DEPDC4: variants seen among roughly 807,000 people sequenced by gnomAD.
DEPDC4 encodes the protein DEP domain-containing protein 4.
Under a neutral mutation model 52.0 loss-of-function variants are expected in DEPDC4, and 52 were observed. That is an observed-to-expected ratio of 1.00 (90% confidence interval 0.80 to 1.26). DEPDC4 has a LOEUF of 1.26. DEPDC4 is among the 50% of genes most tolerant of loss of function. DEPDC4 has a pLI of 0.00. For missense variants in DEPDC4, 530 were observed against 546.9 expected, an observed-to-expected ratio of 0.97 and a Z score of 0.31; for synonymous variants, 201 against 196.8, an observed-to-expected ratio of 1.02 and a Z score of -0.18.
At chr12:100,237,381 T>C (rs2096142963), downstream of DEPDC4, among the ~76,000 whole-genome samples, 1 of 152,116 alleles carries the variant, frequency 6.6e-6, no homozygotes, top group Non-Finnish European at 1.5e-5. Flanking sequence ...CTAATTTTTG[T>C]ATTTTTAGTA....
chr12:100,269,585 T>G (rs1405959504), upstream of DEPDC4, among the ~76,000 whole-genome samples: 1 of 152,188 alleles, frequency 6.6e-6, no homozygotes, highest in African/African-American at 2.4e-5. Context: ...TCATCACTGT[T>G]AATCCTTATA....
chr12:100,239,277 T>C (rs925925029), downstream of DEPDC4, among the ~76,000 whole-genome samples: 7 of 152,130 alleles, frequency 4.6e-5, no homozygotes, highest in Non-Finnish European at 8.8e-5. Flanking sequence ...GGTTTCACCA[T>C]GTTGGACAGG....
At position 100,241,849 on chromosome 12, in the gene DEPDC4, GAA is replaced by G. The variant is rs34267654; in HGVS notation, c.*47-6_*47-5del. On this transcript the variant is annotated splice_polypyrimidine_tract_variant and splice_region_variant and intron_variant, in intron 9 of 9. Coordinates refer to ENST00000550587, the MANE Select transcript of DEPDC4 (RefSeq NM_001364818.2). Reference sequence around the variant, plus strand: ...AAGGGTTGGCAAAACGTAAAGCCTGGAAAAAAAAAAAAAAAACAAAAGAAAAA... The same window carrying G: ...AAGGGTTGGCAAAACGTAAAGCCTGGAAAAAAAAAAAAAACAAAAGAAAAA... 0.2 allele frequency: 205,648 copies of G among 1,010,274 alleles called. 5,195 individuals carry two copies. Among genetic ancestry groups the G allele is most frequent in the African/African-American group, 0.23 (12,288 of 52,990 alleles). 62.6% of individuals were successfully genotyped at this position (1,010,274 alleles called of 1,614,324 possible). A position where few individuals can be genotyped will look rare whatever the true frequency, so the allele number is the denominator to read the frequency against.
At chr12:100,235,102 T>C (rs2096139436), downstream of DEPDC4, among the ~76,000 whole-genome samples, 2 of 152,106 alleles carry the variant, frequency 1.3e-5, no homozygotes, top group Middle Eastern at 3.4e-3. Flanking sequence ...CATATACATA[T>C]ATATGTACAC....
the DEPDC4 span, among the ~76,000 whole-genome samples, chr12:100,281,757 C>T: frequency 0.017 from 2,537 of 151,500 alleles, 69 homozygotes; most frequent in African/African-American, 0.058. Context: ...TGGCGTGAAC[C>T]CGGGAGGCGG....
At chr12:100,235,365 T>A (rs75034708), downstream of DEPDC4, among the ~76,000 whole-genome samples, 530 of 143,312 alleles carry the variant, frequency 3.7e-3, 3 homozygotes, top group African/African-American at 0.013. Flanking sequence ...TTTTTTTTTT[T>A]TTATTCTCTT....
At chr12:100,275,385 G>A in the DEPDC4 span, among the ~76,000 whole-genome samples, 1 of 151,860 alleles carries the variant, frequency 6.6e-6, no homozygotes, top group Non-Finnish European at 1.5e-5. Flanking sequence ...AAAACTTTTT[G>A]GAGTCTTGAT....
upstream of DEPDC4, among the ~76,000 whole-genome samples, chr12:100,271,899 G>A (rs1409943866): frequency 1.3e-5 from 2 of 152,180 alleles, no homozygotes; most frequent in African/African-American, 4.8e-5. Context: ...AATTTTACCT[G>A]TTACATTTCT....
At chr12:100,238,686 A>G (rs1171596605), downstream of DEPDC4, among the ~76,000 whole-genome samples, 1 of 151,254 alleles carries the variant, frequency 6.6e-6, no homozygotes, top group Non-Finnish European at 1.5e-5. Flanking sequence ...GGGTTTTGCC[A>G]TGTTGTGCAG....
the DEPDC4 span, among the ~76,000 whole-genome samples, chr12:100,272,710 T>C: frequency 6.6e-6 from 1 of 152,010 alleles, no homozygotes; most frequent in Non-Finnish European, 1.5e-5. Flanking sequence ...AAATTGGGGG[T>C]GGGGTAGGAT....
upstream of DEPDC4, among the ~76,000 whole-genome samples, chr12:100,269,425 C>G (rs2096284811): frequency 6.6e-6 from 1 of 152,038 alleles, no homozygotes; most frequent in Admixed American, 6.5e-5. Flanking sequence ...CTTACCACAC[C>G]ATTGAAGAGT....
At chr12:100,244,177 G>GGTTTGTTT (rs1186786881) in intron 8 of DEPDC4, among the ~76,000 whole-genome samples, 3 of 130,726 alleles carry the variant, frequency 2.3e-5, no homozygotes, top group Non-Finnish European at 3.2e-5. Flanking sequence ...ATGGTTTTTT[G>GGTTTGTTT]GTTTGTTTGT....
chr12:100,274,673 A>G, the DEPDC4 span, among the ~76,000 whole-genome samples: 1 of 152,318 alleles, frequency 6.6e-6, no homozygotes, highest in East Asian at 1.9e-4. Flanking sequence ...TAACACTGGG[A>G]TGGCTGAGAG....
chr12:100,273,702 C>T, the DEPDC4 span, among the ~76,000 whole-genome samples: 1 of 152,266 alleles, frequency 6.6e-6, no homozygotes, highest in African/African-American at 2.4e-5. Flanking sequence ...TATCTTGGCA[C>T]GTGGTATTAT....
the DEPDC4 span, among the ~76,000 whole-genome samples, chr12:100,281,271 CA>C: frequency 6.6e-6 from 1 of 152,136 alleles, no homozygotes; most frequent in African/African-American, 2.4e-5. Flanking sequence ...TCAAGTGATC[CA>C]CCTCCATCAG....
rs116024043 is a variant in DEPDC4, at chr12:100,244,573, C to T, written c.1454-2004G>A. On this transcript the variant is annotated intron_variant, in intron 8 of 9. Coordinates refer to ENST00000550587, the MANE Select transcript of DEPDC4 (RefSeq NM_001364818.2). The stretch of plus-strand genomic sequence containing the variant: ...TCATTGCAGCCTGGACCTCCTGCAG[C>T]GATCCTCCTGCCTCATCCTGCTGAA... Among the ~76,000 whole-genome samples the T allele has an allele frequency of 5.3e-3, 809 of 151,894 alleles. 8 individuals are homozygous for T. The highest frequency in any genetic ancestry group is 0.019 in the African/African-American group (771 of 41,386).
At chr12:100,235,563 C>T (rs1039825291), downstream of DEPDC4, among the ~76,000 whole-genome samples, 2 of 151,228 alleles carry the variant, frequency 1.3e-5, no homozygotes, top group East Asian at 1.9e-4. Context: ...CCCCAAACTC[C>T]ACTGTATCAT....
In DEPDC4 at chr12:100,266,912, A is replaced by T; in HGVS notation, c.157+8T>A. 1.9e-6 allele frequency: 3 copies of T among 1,611,856 alleles called. No homozygotes were observed. Among genetic ancestry groups the T allele is most frequent in the Middle Eastern group, 1.7e-4 (1 of 6,058 alleles). On this transcript the variant is annotated splice_region_variant and intron_variant, in intron 1 of 9. Transcript: ENST00000550587. ...CACTGCACATTTGGCTAGGATATAC[A>T]GGGCTACCTGTCCTCCTTTTCCGGC...
chr12:100,242,135 G>T (rs950943656), intron 9 of DEPDC4, among the ~76,000 whole-genome samples: 1 of 152,068 alleles, frequency 6.6e-6, no homozygotes. Context: ...TAAGTTAAAG[G>T]CATGTTCAAA....
Sources: gnomAD v4.1 joint callset for allele counts (sites outside exome capture counted in the v4.1 genomes callset) on GRCh38, gnomAD v4.1.1 for gene constraint, MANE v1.5 for transcripts, NCBI Gene and HGNC (gene_info 2026-07-23, HGNC 2026-07-21) for gene names.